The following SLC7A1 variants were observed in gnomAD, a reference collection of about 807,000 sequenced individuals.
The protein encoded by SLC7A1 is solute carrier family 7 member 1, also known as high affinity cationic amino acid transporter 1.
In SLC7A1, 10 loss-of-function variants were observed where a neutral mutation model predicts 53.9. The observed-to-expected ratio is 0.19, with a 90% CI of 0.11 to 0.31. The LOEUF (loss-of-function observed/expected upper bound fraction) is 0.31, where lower values mean the gene tolerates loss of function less well. Among genes scored for constraint, SLC7A1 ranks in the 10% least tolerant of loss-of-function variants. The probability of loss-of-function intolerance (pLI) is 1.00; values close to 1 mark genes in which losing one functional copy is unlikely to be tolerated. For missense variants in SLC7A1, 525 were observed against 827.2 expected (o/e 0.63, Z 4.48); for synonymous variants, 342 against 338.7 (o/e 1.01, Z -0.11).
chr13:29,548,949 A>G (rs1315660060), intron 2 of SLC7A1, among the ~76,000 whole-genome samples: 2 of 152,124 alleles, frequency 1.3e-5, no homozygotes, highest in African/African-American at 4.8e-5. Flanking sequence ...ACACTTTTTC[A>G]CTGGTGACCA....
chr13:29,540,104 G>A (rs1036504249), intron 2 of SLC7A1, among the ~76,000 whole-genome samples: 1 of 152,182 alleles, frequency 6.6e-6, no homozygotes, highest in Non-Finnish European at 1.5e-5. Context: ...CAGTGAGGCT[G>A]CACGAAGCTA....
chr13:29,536,282 C>T, intron 2 of SLC7A1, 80 bp from the exon 3 acceptor site: 1 of 1,368,504 alleles, frequency 7.3e-7, no homozygotes, highest in Non-Finnish European at 1.0e-6. Flanking sequence ...TATGGAAACA[C>T]AGACAGTGAT....
chr13:29,552,949 A>G (rs970437868), intron 2 of SLC7A1, among the ~76,000 whole-genome samples: 6 of 152,080 alleles, frequency 3.9e-5, no homozygotes, highest in Non-Finnish European at 4.4e-5. Flanking sequence ...AAATAGAAGA[A>G]TCAGATAAAA....
chr13:29,551,259 G>C (rs1438279907), intron 2 of SLC7A1, among the ~76,000 whole-genome samples: 1 of 152,202 alleles, frequency 6.6e-6, no homozygotes, highest in Non-Finnish European at 1.5e-5. Flanking sequence ...CACCTACTGT[G>C]TGCCCTCCCT....
intron 1 of SLC7A1, among the ~76,000 whole-genome samples, chr13:29,573,459 A>G (rs1877463): frequency 0.11 from 16,291 of 152,184 alleles, 1,893 homozygotes; most frequent in East Asian, 0.63. Context: ...GGGGAGGTGC[A>G]ATTCTAGAGT....
chr13:29,555,897 G>A (rs1381919007), intron 1 of SLC7A1, among the ~76,000 whole-genome samples: 2 of 152,152 alleles, frequency 1.3e-5, no homozygotes, highest in Non-Finnish European at 2.9e-5. Flanking sequence ...GAAGATCCAC[G>A]TAATTCAGTA....
intron 2 of SLC7A1, among the ~76,000 whole-genome samples, chr13:29,550,233 A>T (rs1170672226): frequency 6.6e-6 from 1 of 152,232 alleles, no homozygotes; most frequent in Non-Finnish European, 1.5e-5. Flanking sequence ...TGGGCACTCC[A>T]GAGCCACCCA....
At position 29,513,303 on chromosome 13, in the gene SLC7A1, C is replaced by G. The variant is rs184559759; in HGVS notation, c.*1177G>C. 6.5e-6 allele frequency: 1 copy of G among 152,698 alleles called. No individual in the cohort carries two copies. The highest frequency in any genetic ancestry group is 2.4e-5 in the African/African-American group (1 of 41,468). The allele number at this position is 152,698 out of a possible 1,614,324, so 9.5% of individuals were successfully genotyped here. A position where few individuals can be genotyped will look rare whatever the true frequency, so the allele number is the denominator to read the frequency against. On this transcript the variant is annotated 3_prime_UTR_variant, in exon 13 of 13. Transcript: ENST00000380752. ...TAGAAATCACCTCCCCTGCGACCCA[C>G]GCATCTCAGCTATAGGACAGCCGCA...
At chr13:29,555,357 C>CAAAA (rs538934310) in intron 1 of SLC7A1, among the ~76,000 whole-genome samples, 4,834 of 18,770 alleles carry the variant, frequency 0.26, 1,622 homozygotes, top group Non-Finnish European at 0.36. Flanking sequence ...GACTCCGTCT[C>CAAAA]AAAAAAAAAA....
chr13:29,579,548 A>G (rs1184183107), intron 1 of SLC7A1, among the ~76,000 whole-genome samples: 1 of 152,058 alleles, frequency 6.6e-6, no homozygotes, highest in East Asian at 1.9e-4. Context: ...TTTTTATTAG[A>G]GACAGGGTTT....
At chr13:29,519,614 C>A in intron 8 of SLC7A1, 65 bp from the exon 9 acceptor site, 1 of 965,352 alleles carries the variant, frequency 1.0e-6, no homozygotes, top group African/African-American at 1.6e-5. Flanking sequence ...CCAGGACCAC[C>A]ACTGCCGCCC....
rs76228044 is a variant in SLC7A1 at position 29,589,846 on chromosome 13, G to A, written c.-115+5570C>T. Among the ~76,000 whole-genome samples, 1,485 of 152,234 alleles carry A rather than the reference G, an allele frequency of 9.8e-3. 25 individuals carry two copies. Among genetic ancestry groups the A allele is most frequent in the African/African-American group, 0.034 (1,394 of 41,528 alleles). ...CCACTGACTGCCTACCTGTGTGCCC[G>A]TGGGCCACCTGCCTTCCCCTCTCCC... On this transcript the variant is annotated intron_variant, in intron 1 of 12. Coordinates refer to ENST00000380752, the MANE Select transcript of SLC7A1 (RefSeq NM_003045.5).
intron 1 of SLC7A1, among the ~76,000 whole-genome samples, chr13:29,563,761 C>T (rs112233539): frequency 1.3e-5 from 2 of 152,154 alleles, no homozygotes; most frequent in African/African-American, 4.8e-5. Flanking sequence ...GGATACCCAT[C>T]CCCACTTTAT....
rs2776409 is a variant in SLC7A1, at chr13:29,566,690, G to A, written c.-114-12830C>T. On this transcript the variant is annotated intron_variant, in intron 1 of 12. Coordinates refer to ENST00000380752, the MANE Select transcript of SLC7A1 (RefSeq NM_003045.5). ...ATATTCCAGAATTAGGGCGATGGCT[G>A]CATAATCCTGTGAATTTGCTAAAAA... Among the ~76,000 whole-genome samples, 535 of 152,276 alleles carry A rather than the reference G, an allele frequency of 3.5e-3. 4 individuals are homozygous for A. Among genetic ancestry groups the A allele is most frequent in the African/African-American group, 0.012 (502 of 41,566 alleles).
At chr13:29,569,806 G>A (rs1358465192) in intron 1 of SLC7A1, among the ~76,000 whole-genome samples, 1 of 152,176 alleles carries the variant, frequency 6.6e-6, no homozygotes, top group Non-Finnish European at 1.5e-5. Flanking sequence ...TTTCATAAAT[G>A]AGAACACTGA....
intron 1 of SLC7A1, among the ~76,000 whole-genome samples, chr13:29,570,655 C>G (rs1871153192): frequency 6.6e-6 from 1 of 152,130 alleles, no homozygotes; most frequent in East Asian, 1.9e-4. Context: ...AGTTGGAGAC[C>G]AGCCTGGGCA....
rs117830285 is a variant in SLC7A1 at position 29,550,371 on chromosome 13, A to C, written c.-15+3390T>G. Among the ~76,000 whole-genome samples, 404 of 152,382 alleles carry C rather than the reference A, an allele frequency of 2.7e-3. 16 individuals carry two copies. In the East Asian group the frequency reaches 0.065, roughly 24 times the overall value. On this transcript the variant is annotated intron_variant, in intron 2 of 12. Transcript: ENST00000380752. The stretch of plus-strand genomic sequence containing the variant: ...AAATGTAGAAAAAAAATCAAGGAGC[A>C]AAATAATTTCTTATAAAAATAGACA...
Position 29,512,590 on chromosome 13 carries a change from G to A in SLC7A1, c.*1890C>T, listed in dbSNP as rs1040798273. ...AAAAAAATCAAGCAAATAACTACCA[G>A]GTCCTAAGACAAGAGACAACCAAAA... is the stretch of plus-strand genomic sequence containing the variant. On this transcript the variant is annotated 3_prime_UTR_variant, in exon 13 of 13. Coordinates refer to ENST00000380752, the MANE Select transcript of SLC7A1 (RefSeq NM_003045.5). The A allele has an allele frequency of 2.6e-5, 4 of 152,130 alleles. No homozygotes were observed. Among genetic ancestry groups the A allele is most frequent in the Non-Finnish European group, 4.4e-5 (3 of 68,030 alleles). The allele number at this position is 152,130 out of a possible 1,614,324, so 9.4% of individuals were successfully genotyped here.
intron 2 of SLC7A1, among the ~76,000 whole-genome samples, chr13:29,543,708 T>G (rs1223754120): frequency 0.13 from 3,822 of 28,402 alleles, no homozygotes; most frequent in Non-Finnish European, 0.15. Context: ...GGGAGAGGGG[T>G]GGGGAGGAGG....
Sources: allele counts gnomAD v4.1 joint callset (sites outside exome capture counted in the v4.1 genomes callset), GRCh38; gene constraint gnomAD v4.1.1; transcripts MANE v1.5; gene names NCBI Gene and HGNC (gene_info 2026-07-23, HGNC 2026-07-21).